The following FLRT1 variants were observed in gnomAD, a reference collection of about 807,000 sequenced individuals.
FLRT1 encodes fibronectin leucine rich transmembrane protein 1, also known as leucine-rich repeat transmembrane protein FLRT1.
FLRT1 carries 14 observed loss-of-function variants against 30.9 expected under a neutral mutation model. The ratio of observed to expected loss-of-function variants is 0.45; its 90% CI spans 0.30 to 0.71. FLRT1 has a LOEUF of 0.71. Among genes scored for constraint, FLRT1 ranks in the 30% least tolerant of loss-of-function variants. The probability of loss-of-function intolerance (pLI) is 0.08; values close to 1 mark genes in which losing one functional copy is unlikely to be tolerated. For synonymous variants in FLRT1, 368 were observed against 430.4 expected (o/e 0.85, Z 1.80); for missense variants, 737 against 949.2 (o/e 0.78, Z 2.94).
intron 1 of FLRT1, among the ~76,000 whole-genome samples, chr11:64,085,356 G>T (rs914910540): frequency 6.6e-6 from 1 of 152,332 alleles, no homozygotes; most frequent in African/African-American, 2.4e-5. Flanking sequence ...ACCCCAAATC[G>T]AATTCGTGCT....
intron 1 of FLRT1, among the ~76,000 whole-genome samples, chr11:64,069,580 T>C (rs188194669): frequency 2.0e-3 from 306 of 152,238 alleles, no homozygotes; most frequent in African/African-American, 7.2e-3. Flanking sequence ...CCCCTAGCTG[T>C]GGGGCCAGGT....
At chr11:64,099,327 C>T (rs1263823065) in intron 1 of FLRT1, among the ~76,000 whole-genome samples, 1 of 152,268 alleles carries the variant, frequency 6.6e-6, no homozygotes, top group East Asian at 1.9e-4. Context: ...CCCCACTGGA[C>T]TGTGAGCTCC....
At chr11:64,058,045 T>C (rs894058641) in intron 1 of FLRT1, among the ~76,000 whole-genome samples, 2 of 152,214 alleles carry the variant, frequency 1.3e-5, no homozygotes, top group African/African-American at 4.8e-5. Flanking sequence ...TAATGCGCAA[T>C]GTAATCTGCG....
intron 2 of FLRT1, among the ~76,000 whole-genome samples, chr11:64,109,573 G>A (rs1944824090): frequency 6.6e-6 from 1 of 152,162 alleles, no homozygotes; most frequent in African/African-American, 2.4e-5. Flanking sequence ...GGAGGAGGTA[G>A]GGAACTATTT....
At position 64,119,137 on chromosome 11, in the gene FLRT1, C is replaced by G. The variant is rs1945052969; in HGVS notation, c.*845C>G. 6.0e-6 allele frequency: 1 copy of G among 167,230 alleles called. No individual in the cohort carries two copies. The highest frequency in any genetic ancestry group is 6.5e-5 in the Admixed American group (1 of 15,272). 10.4% of individuals were successfully genotyped at this position (167,230 alleles called of 1,614,324 possible). ...CCTTACCGTTCTTCTTGGGTCAGTT[C>G]TTACCATTTCCTGAACAATAGAATT... is the stretch of plus-strand genomic sequence containing the variant. On this transcript the variant is annotated 3_prime_UTR_variant, in exon 3 of 3. Coordinates refer to ENST00000682287, the MANE Select transcript of FLRT1 (RefSeq NM_013280.5).
chr11:64,065,603 C>A (rs1393936973), intron 1 of FLRT1, among the ~76,000 whole-genome samples: 1 of 145,344 alleles, frequency 6.9e-6, no homozygotes, highest in Non-Finnish European at 1.5e-5. Flanking sequence ...TCCTGGCTAA[C>A]ACGGTGAAAC....
chr11:64,110,899 C>T (rs576627674), intron 2 of FLRT1, among the ~76,000 whole-genome samples: 1 of 152,328 alleles, frequency 6.6e-6, no homozygotes, highest in East Asian at 1.9e-4. Context: ...CCTCCCCACC[C>T]CCAGGTCCCG....
chr11:64,047,301 G>C (rs1943602732), intron 1 of FLRT1, among the ~76,000 whole-genome samples: 1 of 152,136 alleles, frequency 6.6e-6, no homozygotes, highest in South Asian at 2.1e-4. Context: ...TTGTACAACA[G>C]CCCTGGGAGT....
At position 64,067,039 on chromosome 11, in the gene FLRT1, C is replaced by T. The variant is rs975532668; in HGVS notation, c.-1038+30880C>T. On this transcript the variant is annotated intron_variant, in intron 1 of 2. Coordinates refer to ENST00000682287, the MANE Select transcript of FLRT1 (RefSeq NM_013280.5). The surrounding 1 kb of genome is among the most constrained non-coding windows in gnomAD (Gnocchi z 4.6). ...CCCTGGGGAGATTGGATGAGGGGCT[C>T]AGGGACCCCCCATGCCCAATGTCCT... 6.6e-6 allele frequency among the ~76,000 whole-genome samples: 1 copy of T among 152,198 alleles called. No homozygotes were observed. Among genetic ancestry groups the T allele is most frequent in the Non-Finnish European group, 1.5e-5 (1 of 68,038 alleles).
At chr11:64,105,737 G>A (rs1944751007) in intron 2 of FLRT1, among the ~76,000 whole-genome samples, 1 of 152,192 alleles carries the variant, frequency 6.6e-6, no homozygotes, top group Non-Finnish European at 1.5e-5. Flanking sequence ...CTGTTCCCCA[G>A]CATCCTCCCT....
chr11:64,054,055 A>G (rs2134419259), intron 1 of FLRT1, among the ~76,000 whole-genome samples: 1 of 152,280 alleles, frequency 6.6e-6, no homozygotes, highest in East Asian at 1.9e-4. Context: ...CCCTGGTGGC[A>G]GCAAGCAGCT....
intron 1 of FLRT1, among the ~76,000 whole-genome samples, chr11:64,058,587 G>A (rs113828006): frequency 6.6e-6 from 1 of 152,258 alleles, no homozygotes; most frequent in African/African-American, 2.4e-5. Flanking sequence ...TGGAGGAGCC[G>A]GCAGCTGCCG....
chr11:64,050,049 T>G (rs1308595601), intron 1 of FLRT1, among the ~76,000 whole-genome samples: 1 of 152,132 alleles, frequency 6.6e-6, no homozygotes, highest in East Asian at 1.9e-4. Context: ...AAAGTGATGA[T>G]GAGGGTGATG....
chr11:64,109,365 A>G (rs1051215584), intron 2 of FLRT1, among the ~76,000 whole-genome samples: 1 of 151,984 alleles, frequency 6.6e-6, no homozygotes, highest in Admixed American at 6.5e-5. Context: ...AGACACCCAC[A>G]CTCAGCTTCC....
chr11:64,099,292 G>A (rs748151665), intron 1 of FLRT1, among the ~76,000 whole-genome samples: 7 of 152,272 alleles, frequency 4.6e-5, no homozygotes, highest in Non-Finnish European at 1.0e-4. Flanking sequence ...GTCTCACATT[G>A]TAGCCCTCTG....
rs1475875325 is a variant in FLRT1, at chr11:64,118,054, A to C, written c.1787A>C (p.Lys596Thr). The change falls in exon 3 of 3, where the codon AAA becomes ACA. Residue 596 changes from lysine to threonine, a missense_variant. Coordinates refer to ENST00000682287, the MANE Select transcript of FLRT1 (RefSeq NM_013280.5). The part of the protein sequence containing the change: ...RERAYNRGSR[K>T]KDDYMESGTK... ...AGGGCCTACAACCGGGGCAGCAGGAAAAAGGATGACTATATGGAGTCAGGG... is the reference window on the plus strand; with the variant it reads ...AGGGCCTACAACCGGGGCAGCAGGACAAAGGATGACTATATGGAGTCAGGG... 3.1e-5 allele frequency: 50 copies of C among 1,613,496 alleles called. No individual in the cohort carries two copies. The highest frequency in any genetic ancestry group is 3.9e-5 in the Non-Finnish European group (46 of 1,179,912).
Position 64,082,057 on chromosome 11 carries a change from C to G in FLRT1, c.-1037-21137C>G, listed in dbSNP as rs1002447331. The stretch of plus-strand genomic sequence containing the variant: ...AGGTTGAAAAGTGTGTGAGCTGCAG[C>G]GTCCTGGGCTGGGGCAGAGGGGCCG... On this transcript the variant is annotated intron_variant, in intron 1 of 2. Coordinates refer to ENST00000682287, the MANE Select transcript of FLRT1 (RefSeq NM_013280.5). This position sits in a 1 kb window ranked among gnomAD's most constrained non-coding sequence, Gnocchi z 4.5. The G allele has an allele frequency of 6.6e-6, 1 of 152,184 alleles. No individual in the cohort carries two copies. Among genetic ancestry groups the G allele is most frequent in the Non-Finnish European group, 1.5e-5 (1 of 68,070 alleles). The allele number at this position is 152,184 out of a possible 1,614,324, so 9.4% of individuals were successfully genotyped here. A position where few individuals can be genotyped will look rare whatever the true frequency, so the allele number is the denominator to read the frequency against.
In FLRT1 at chr11:64,041,199, T is replaced by TAAAAAAAAAAAA. The variant is rs71045724; in HGVS notation, c.-1038+5059_-1038+5070dup. ...AGATTACAACAGATTTAGCAAACTGTAAAAAAAAAAAAAAAAAAAAAAAAA... is the reference window on the plus strand; with the variant it reads ...AGATTACAACAGATTTAGCAAACTGTAAAAAAAAAAAAAAAAAAAAAAAAAAAAAAAAAAAAA... On this transcript the variant is annotated intron_variant, in intron 1 of 2. Coordinates refer to ENST00000682287, the MANE Select transcript of FLRT1 (RefSeq NM_013280.5). Among the ~76,000 whole-genome samples, 32 of 21,602 alleles carry TAAAAAAAAAAAA rather than the reference T, an allele frequency of 1.5e-3. 5 individuals carry two copies. Among genetic ancestry groups the TAAAAAAAAAAAA allele is most frequent in the African/African-American group, 1.8e-3 (11 of 6,210 alleles). The allele number at this position is 21,602 out of a possible 152,430, so 14.2% of individuals were successfully genotyped here. A position where few individuals can be genotyped will look rare whatever the true frequency, so the allele number is the denominator to read the frequency against.
At chr11:64,083,581 C>A (rs1291257415) in intron 1 of FLRT1, among the ~76,000 whole-genome samples, 1 of 152,200 alleles carries the variant, frequency 6.6e-6, no homozygotes, top group East Asian at 1.9e-4. Context: ...TAAGCTGCCA[C>A]AAATCCTTTC....
Sources: allele counts gnomAD v4.1 joint callset (sites outside exome capture counted in the v4.1 genomes callset), GRCh38; gene constraint gnomAD v4.1.1; non-coding constraint Gnocchi (gnomAD v3.1); transcripts MANE v1.5; gene names NCBI Gene and HGNC (gene_info 2026-07-23, HGNC 2026-07-21).